Variants in RPL27A observed in about 807,000 individuals in gnomAD.
RPL27A encodes large ribosomal subunit protein uL15.
For missense variants in RPL27A, 118 were observed against 189.4 expected (o/e 0.62, Z 2.21); for synonymous variants, 69 against 68.3 (o/e 1.01, Z -0.05).
chr11:8,686,026 CAG>C lies in RPL27A; in HGVS notation c.*222_*223del, dbSNP rs2039584230. 1 of 527,004 alleles carries C rather than the reference CAG, an allele frequency of 1.9e-6. No homozygotes were observed. Among genetic ancestry groups the C allele is most frequent in the African/African-American group, 1.9e-5 (1 of 52,548 alleles). The allele number at this position is 527,004 out of a possible 1,614,324, so 32.6% of individuals were successfully genotyped here. ...AGTTAAACATTTCTGTTTATAAAGT[CAG>C]AATAATACCTGTTGATCACTGAAAG... On this transcript the variant is annotated 3_prime_UTR_variant, in exon 5 of 5. Transcript: ENST00000314138.
chr11:8,683,611 G>A, intron 2 of RPL27A: 4 of 494,312 alleles, frequency 8.1e-6, no homozygotes, highest in Non-Finnish European at 1.5e-5. Context: ...GCGGGACACA[G>A]AAGTCTGGGA....
rs2039592795 is a variant in RPL27A, at chr11:8,686,974, A to G, written c.*1168A>G. 6.6e-6 allele frequency: 1 copy of G among 152,230 alleles called. No homozygotes were observed. Among genetic ancestry groups the G allele is most frequent in the African/African-American group, 2.4e-5 (1 of 41,452 alleles). The allele number at this position is 152,230 out of a possible 1,614,324, so 9.4% of individuals were successfully genotyped here. A position where few individuals can be genotyped will look rare whatever the true frequency, so the allele number is the denominator to read the frequency against. On this transcript the variant is annotated 3_prime_UTR_variant, in exon 5 of 5. Coordinates refer to ENST00000314138, the MANE Select transcript of RPL27A (RefSeq NM_000990.5). ...TTCCTTAGTGCACTGTGGGGTCATA[A>G]TAAGCCGAGAACCATGGCTGTCTAT...
At chr11:8,684,524 A>G in intron 3 of RPL27A, 194 bp from the exon 4 acceptor site, 1 of 671,810 alleles carries the variant, frequency 1.5e-6, no homozygotes, top group Non-Finnish European at 2.6e-6. Flanking sequence ...CCAGGAAATA[A>G]GACTAGCCTT....
Position 8,688,835 on chromosome 11 carries a change from G to A in RPL27A, c.*3029G>A, listed in dbSNP as rs542222671. The A allele has an allele frequency of 6.6e-6, 1 of 152,294 alleles. No homozygotes were observed. Among genetic ancestry groups the A allele is most frequent in the South Asian group, 2.1e-4 (1 of 4,834 alleles). The allele number at this position is 152,294 out of a possible 1,614,324, so 9.4% of individuals were successfully genotyped here. A position where few individuals can be genotyped will look rare whatever the true frequency, so the allele number is the denominator to read the frequency against. On this transcript the variant is annotated 3_prime_UTR_variant, in exon 5 of 5. Coordinates refer to ENST00000314138, the MANE Select transcript of RPL27A (RefSeq NM_000990.5). ...CAGACAGCCCACGGACGGACTGCAA[G>A]TCGGAAGCGCGGGCGGAAGCTGTGC... is the stretch of plus-strand genomic sequence containing the variant.
chr11:8,684,937 C>T (rs1368644589), intron 4 of RPL27A, 45 bp downstream of exon 4: 1 of 1,585,250 alleles, frequency 6.3e-7, no homozygotes, highest in African/African-American at 1.3e-5. Context: ...CCTTCCCTTA[C>T]AAAACTCTGG....
chr11:8,688,308 C>T lies in RPL27A; in HGVS notation c.*2502C>T, dbSNP rs1021768572. The T allele has an allele frequency of 6.6e-6, 1 of 152,176 alleles. No homozygotes were observed. Among genetic ancestry groups the T allele is most frequent in the Non-Finnish European group, 1.5e-5 (1 of 68,030 alleles). The allele number at this position is 152,176 out of a possible 1,614,324, so 9.4% of individuals were successfully genotyped here. Reference sequence around the variant, plus strand: ...GGATCCCTAGTCCCTTAATGGCTACCTTCTTCCCCAGGAGTTGTTAGGCCA... The same window carrying T: ...GGATCCCTAGTCCCTTAATGGCTACTTTCTTCCCCAGGAGTTGTTAGGCCA... On this transcript the variant is annotated 3_prime_UTR_variant, in exon 5 of 5. Coordinates refer to ENST00000314138, the MANE Select transcript of RPL27A (RefSeq NM_000990.5).
chr11:8,683,638 G>T (rs2039538238), intron 2 of RPL27A: 7 of 478,744 alleles, frequency 1.5e-5, no homozygotes, highest in Non-Finnish European at 1.9e-5. Flanking sequence ...CTGCTTTTGT[G>T]CGAGGAAGTA....
At chr11:8,683,822 T>G in intron 2 of RPL27A, 184 bp from the exon 3 acceptor site, 3 of 614,592 alleles carry the variant, frequency 4.9e-6, no homozygotes, top group Non-Finnish European at 5.9e-6. Flanking sequence ...ATATTACAGG[T>G]GTGCGCCACG....
chr11:8,686,239 A>G lies in RPL27A; in HGVS notation c.*433A>G, dbSNP rs1592238025. 1 of 152,364 alleles carries G rather than the reference A, an allele frequency of 6.6e-6. No individual in the cohort carries two copies. The highest frequency in any genetic ancestry group is 6.5e-5 in the Admixed American group (1 of 15,474). The allele number at this position is 152,364 out of a possible 1,614,324, so 9.4% of individuals were successfully genotyped here. On this transcript the variant is annotated 3_prime_UTR_variant, in exon 5 of 5. Transcript: ENST00000314138. ...CAAGGTTTTTCCACGTGGCCCCCTC[A>G]TCTTTTTTTTTTTTTTAAACGGAGT...
At chr11:8,683,912 C>T (rs1212432235) in intron 2 of RPL27A, 94 bp from the exon 3 acceptor site, 1 of 959,598 alleles carries the variant, frequency 1.0e-6, no homozygotes, top group African/African-American at 1.6e-5. Flanking sequence ...GAACTCCTGA[C>T]CTCAGGTGAT....
rs1252312535 is a variant in RPL27A at position 8,688,069 on chromosome 11, G to C, written c.*2263G>C. ...TCAGGAAACTGGTTTGGGAAGGTTA[G>C]GCAAACGGGAAGTGCTATGGTGGAG... On this transcript the variant is annotated 3_prime_UTR_variant, in exon 5 of 5. Transcript: ENST00000314138. The C allele has an allele frequency of 2.0e-5, 3 of 152,278 alleles. No homozygotes were observed. Among genetic ancestry groups the C allele is most frequent in the African/African-American group, 7.2e-5 (3 of 41,448 alleles). The allele number at this position is 152,278 out of a possible 1,614,324, so 9.4% of individuals were successfully genotyped here.
chr11:8,683,762 C>T, intron 2 of RPL27A: 1 of 545,350 alleles, frequency 1.8e-6, no homozygotes, highest in Non-Finnish European at 3.3e-6. Flanking sequence ...ACTGCAACCC[C>T]TGCCTGCCGG....
In RPL27A at chr11:8,685,994, G is replaced by A. The variant is rs1003447583; in HGVS notation, c.*188G>A. 3.8e-5 allele frequency: 22 copies of A among 579,420 alleles called. 1 individual carries two copies. Among genetic ancestry groups the A allele is most frequent in the African/African-American group, 5.6e-5 (3 of 53,512 alleles). 35.9% of individuals were successfully genotyped at this position (579,420 alleles called of 1,614,324 possible). On this transcript the variant is annotated 3_prime_UTR_variant, in exon 5 of 5. Coordinates refer to ENST00000314138, the MANE Select transcript of RPL27A (RefSeq NM_000990.5). ...TGGTAAACGTAAGACCAACACAGAC[G>A]TTGGCCAGTTAAACATTTCTGTTTA...
At chr11:8,684,916 G>A (rs2133617364) in intron 4 of RPL27A, 24 bp downstream of exon 4, 1 of 1,609,866 alleles carries the variant, frequency 6.2e-7, no homozygotes. Flanking sequence ...ATGTTTTTCT[G>A]TACTTCCATA....
Position 8,683,253 on chromosome 11 carries a change from C to G in RPL27A, c.55C>G (p.His19Asp). 2.5e-6 allele frequency: 4 copies of G among 1,614,246 alleles called. No individual in the cohort carries two copies. Among genetic ancestry groups the G allele is most frequent in the Non-Finnish European group, 3.4e-6 (4 of 1,180,026 alleles). The part of the protein sequence containing the change: ...RKLRGHVSHG[H>D]GRIGKHRKHP... ...ACTTAGGGGCCACGTGAGCCACGGC[C>G]ACGGCCGCATAGGTAAGTGCCGGCT... is the stretch of plus-strand genomic sequence containing the variant. Residue 19 changes from histidine to aspartate, a missense_variant, in exon 2 of 5, where the codon CAC becomes GAC. By Grantham distance (81) the His-to-Asp change is moderately conservative. Transcript: ENST00000314138.
In RPL27A at chr11:8,686,060, A is replaced by G; in HGVS notation, c.*254A>G. ...ACCTGTTGATCACTGAAAGGCCTGC[A>G]TGTATTGTACTCTGAATTTTACAGT... On this transcript the variant is annotated 3_prime_UTR_variant, in exon 5 of 5. Coordinates refer to ENST00000314138, the MANE Select transcript of RPL27A (RefSeq NM_000990.5). The G allele has an allele frequency of 2.3e-6, 1 of 443,476 alleles. No individual in the cohort carries two copies. The highest frequency in any genetic ancestry group is 4.1e-6 in the Non-Finnish European group (1 of 242,274). The allele number at this position is 443,476 out of a possible 1,614,324, so 27.5% of individuals were successfully genotyped here. A position where few individuals can be genotyped will look rare whatever the true frequency, so the allele number is the denominator to read the frequency against.
At chr11:8,684,141 C>T (rs1340451635) in intron 3 of RPL27A, 60 bp downstream of exon 3, 1 of 1,398,602 alleles carries the variant, frequency 7.2e-7, no homozygotes, top group Non-Finnish European at 1.0e-6. Context: ...AGAGAGAGGG[C>T]TGGCTTAAAC....
Position 8,686,427 on chromosome 11 carries a change from CACCATGTTG to C in RPL27A, c.*622_*630del, listed in dbSNP as rs1308881827. ...TGTATTTTCAGTAGAGATGGGGTTTCACCATGTTGGCCATGCTGGTCTCTAACTCCTAAC... is the reference window on the plus strand; with the variant it reads ...TGTATTTTCAGTAGAGATGGGGTTTCGCCATGCTGGTCTCTAACTCCTAAC... On this transcript the variant is annotated 3_prime_UTR_variant, in exon 5 of 5. Coordinates refer to ENST00000314138, the MANE Select transcript of RPL27A (RefSeq NM_000990.5). 1 of 152,446 alleles carries C rather than the reference CACCATGTTG, an allele frequency of 6.6e-6. No homozygotes were observed. Among genetic ancestry groups the C allele is most frequent in the Non-Finnish European group, 1.5e-5 (1 of 68,284 alleles). 9.4% of individuals were successfully genotyped at this position (152,446 alleles called of 1,614,324 possible). A position where few individuals can be genotyped will look rare whatever the true frequency, so the allele number is the denominator to read the frequency against.
At chr11:8,685,536 G>A (rs2073686) in intron 4 of RPL27A, 142 bp from the exon 5 acceptor site, 150,813 of 873,058 alleles carry the variant, frequency 0.17, 13,840 homozygotes, top group East Asian at 0.26. Flanking sequence ...GGGGGCAGTC[G>A]GTGCCCCCGT....
Sources: gnomAD v4.1 joint callset for allele counts on GRCh38, gnomAD v4.1.1 for gene constraint, MANE v1.5 for transcripts, NCBI Gene and HGNC (gene_info 2026-07-23, HGNC 2026-07-21) for gene names.